MSN: variants seen among roughly 807,000 people sequenced by gnomAD.
MSN encodes the protein epididymis luminal protein 70.
A neutral mutation model predicts 48.0 loss-of-function variants in MSN; 2 were observed. That is an observed-to-expected ratio of 0.04 (90% CI 0.02 to 0.13). The LOEUF is 0.13. Among genes scored for constraint, MSN ranks in the 10% least tolerant of loss-of-function variants. The pLI, the probability that MSN is intolerant of heterozygous loss-of-function variation, is 1.00. For missense variants in MSN, 267 were observed against 470.1 expected (o/e 0.57, Z 3.99); for synonymous variants, 146 against 166.9 (o/e 0.87, Z 0.97).
intron 1 of MSN, among the ~76,000 whole-genome samples, chrX:65,671,586 A>G (rs965997488): frequency 1.8e-5 from 2 of 111,387 alleles, no homozygotes; most frequent in East Asian, 2.8e-4. Context: ...AAGTGGGGGG[A>G]AAAGGATCAG....
chrX:65,620,937 T>G (rs1406128306), intron 1 of MSN, among the ~76,000 whole-genome samples: 1 of 109,004 alleles, frequency 9.2e-6, no homozygotes, highest in African/African-American at 3.4e-5. Context: ...CTGTTGTTGT[T>G]GTTTTTGAGG....
At position 65,727,927 on chromosome X, in the gene MSN, T is replaced by G; in HGVS notation, c.192+18T>G. ...ATAAGAAGGTAACTGCTTATTCCTC[T>G]GTTGGATTTAGAATTCTTTTCTTTT... On this transcript the variant is annotated intron_variant, in intron 3 of 12. Transcript: ENST00000360270. 1.1e-5 allele frequency: 13 copies of G among 1,170,321 alleles called. No homozygotes were observed. Among genetic ancestry groups the G allele is most frequent in the Non-Finnish European group, 1.5e-5 (13 of 859,598 alleles).
At chrX:65,650,052 C>CTTTTTTTTTTTT (rs59222247) in intron 1 of MSN, among the ~76,000 whole-genome samples, 1 of 53,197 alleles carries the variant, frequency 1.9e-5, no homozygotes, top group East Asian at 6.1e-4. Context: ...CCTTTTTTCT[C>CTTTTTTTTTTTT]TTTTTTTTTT....
chrX:65,725,244 C>T (rs140573235), intron 2 of MSN, among the ~76,000 whole-genome samples: 32 of 111,871 alleles, frequency 2.9e-4, no homozygotes, highest in African/African-American at 8.8e-4. Flanking sequence ...ACTGCCACAC[C>T]GGCAATGAAG....
At chrX:65,640,849 C>A (rs1209956174) in intron 1 of MSN, among the ~76,000 whole-genome samples, 2 of 111,694 alleles carry the variant, frequency 1.8e-5, no homozygotes, top group Non-Finnish European at 3.8e-5. Context: ...TGGCTCACAT[C>A]TGTAATCTCA....
chrX:65,728,507 A>G (rs1213812307), intron 3 of MSN, among the ~76,000 whole-genome samples: 1 of 109,957 alleles, frequency 9.1e-6, no homozygotes, highest in Non-Finnish European at 1.9e-5. Flanking sequence ...TTTAGCCAGG[A>G]TGGTCTCGAT....
intron 1 of MSN, among the ~76,000 whole-genome samples, chrX:65,589,986 C>T (rs1338287923): frequency 2.7e-5 from 3 of 110,770 alleles, no homozygotes; most frequent in African/African-American, 9.8e-5. Context: ...CTGCCTCAGC[C>T]TCCCAAGTAG....
intron 1 of MSN, among the ~76,000 whole-genome samples, chrX:65,618,277 T>G (rs952646228): frequency 9.0e-5 from 10 of 111,367 alleles, no homozygotes; most frequent in Admixed American, 6.7e-4. Flanking sequence ...ACTTTCTGTC[T>G]TGTTGATCTG....
intron 1 of MSN, among the ~76,000 whole-genome samples, chrX:65,595,015 G>A (rs2070176013): frequency 9.0e-6 from 1 of 111,312 alleles, no homozygotes; most frequent in Admixed American, 9.5e-5. Context: ...CAAATTTAGT[G>A]ATACCTCAAG....
intron 2 of MSN, 148 bp from the exon 3 acceptor site, chrX:65,727,666 G>A: frequency 2.3e-6 from 1 of 443,942 alleles, no homozygotes; most frequent in South Asian, 3.8e-5. Context: ...GTTCTTGATT[G>A]CTGCTCAAGT....
intron 1 of MSN, among the ~76,000 whole-genome samples, chrX:65,709,838 C>T (rs1183698461): frequency 9.0e-6 from 1 of 111,611 alleles, no homozygotes. Context: ...TGGAATCCCA[C>T]CCCCCCTTAG....
At chrX:65,655,565 C>T (rs2070775003) in intron 1 of MSN, among the ~76,000 whole-genome samples, 3 of 112,139 alleles carry the variant, frequency 2.7e-5, no homozygotes, top group Admixed American at 9.5e-5. Context: ...GAATGACTCT[C>T]TCCAGTTTTG....
intron 1 of MSN, among the ~76,000 whole-genome samples, chrX:65,708,840 A>C (rs1187178264): frequency 4.6e-5 from 5 of 108,079 alleles, no homozygotes; most frequent in African/African-American, 1.7e-4. Context: ...ACGCCATCAC[A>C]CCTGGCTAAT....
chrX:65,602,725 T>A (rs1197648438), intron 1 of MSN, among the ~76,000 whole-genome samples: 1 of 112,341 alleles, frequency 8.9e-6, no homozygotes, highest in Non-Finnish European at 1.9e-5. Context: ...AAAATGAAGA[T>A]AAATTCTACC....
intron 1 of MSN, among the ~76,000 whole-genome samples, chrX:65,594,026 A>T (rs766035301): frequency 1.8e-5 from 2 of 111,850 alleles, no homozygotes; most frequent in Admixed American, 9.5e-5. Flanking sequence ...GTGGGTACTT[A>T]TCAGGTGGGA....
intron 1 of MSN, among the ~76,000 whole-genome samples, chrX:65,670,515 G>A (rs907699168): frequency 9.1e-6 from 1 of 110,356 alleles, no homozygotes; most frequent in Non-Finnish European, 1.9e-5. Context: ...ATGAAGTCAG[G>A]AGTTCGAGAC....
intron 8 of MSN, among the ~76,000 whole-genome samples, chrX:65,735,701 G>A (rs1002486244): frequency 8.9e-6 from 1 of 112,380 alleles, no homozygotes; most frequent in South Asian, 3.7e-4. Flanking sequence ...ATAACTCAAG[G>A]TACAAAGGCC....
At chrX:65,674,489 C>G (rs968868799) in intron 1 of MSN, among the ~76,000 whole-genome samples, 1 of 111,145 alleles carries the variant, frequency 9.0e-6, no homozygotes, top group African/African-American at 3.3e-5. Context: ...TTTGCTATAG[C>G]AAGTTTTTCT....
intron 1 of MSN, among the ~76,000 whole-genome samples, chrX:65,641,489 C>T (rs1372756376): frequency 6.7e-5 from 6 of 88,968 alleles, no homozygotes; most frequent in African/African-American, 2.0e-4. Flanking sequence ...GAGATCACGC[C>T]ACTGCACTCC....
Sources: gnomAD v4.1 joint callset for allele counts (sites outside exome capture counted in the v4.1 genomes callset) on GRCh38, gnomAD v4.1.1 for gene constraint, MANE v1.5 for transcripts, NCBI Gene and HGNC (gene_info 2026-07-23, HGNC 2026-07-21) for gene names.